FUT8: variants seen among roughly 807,000 people sequenced by gnomAD.
FUT8 encodes fucosyltransferase 8.
Under a neutral mutation model 71.3 loss-of-function variants are expected in FUT8, and 29 were observed. The ratio of observed to expected loss-of-function variants is 0.41; its 90% CI spans 0.30 to 0.55. The LOEUF is 0.55. Among genes scored for constraint, FUT8 ranks in the 20% least tolerant of loss-of-function variants. FUT8 has a pLI of 0.34. For missense variants in FUT8, 544 were observed against 702.1 expected (o/e 0.77, Z 2.55); for synonymous variants, 254 against 239.3 (o/e 1.06, Z -0.57).
the FUT8 span, among the ~76,000 whole-genome samples, chr14:65,401,409 C>T: frequency 6.6e-6 from 1 of 152,200 alleles, no homozygotes; most frequent in East Asian, 1.9e-4. Context: ...ACCAAAGTAA[C>T]ACCTGATTCA....
At chr14:65,584,864 G>A (rs1042101374) in intron 3 of FUT8, among the ~76,000 whole-genome samples, 1 of 152,112 alleles carries the variant, frequency 6.6e-6, no homozygotes, top group Non-Finnish European at 1.5e-5. Flanking sequence ...ATCCATTCAC[G>A]TAGTCCTTCA....
chr14:65,442,179 CTT>C (rs1021625986), intron 1 of FUT8, among the ~76,000 whole-genome samples: 8 of 140,588 alleles, frequency 5.7e-5, no homozygotes, highest in Admixed American at 2.1e-4. Flanking sequence ...TAAGGGTGGA[CTT>C]TTTTTTTTTT....
At chr14:65,722,105 T>C in intron 8 of FUT8, 84 bp downstream of exon 8, 1 of 1,502,612 alleles carries the variant, frequency 6.7e-7, no homozygotes, top group South Asian at 1.3e-5. Context: ...AATTTTACAA[T>C]ATGTAGTTCA....
intron 3 of FUT8, among the ~76,000 whole-genome samples, chr14:65,611,207 G>A (rs1292409502): frequency 0.097 from 277 of 2,864 alleles, 39 homozygotes; most frequent in African/African-American, 0.16. Context: ...ACGCGCGCGC[G>A]CGCGCGCGCG....
At chr14:65,642,605 A>AC (rs1217111842) in intron 6 of FUT8, among the ~76,000 whole-genome samples, 1 of 132,986 alleles carries the variant, frequency 7.5e-6, no homozygotes, top group Non-Finnish European at 1.5e-5. Context: ...TCCGTCTCAA[A>AC]AAAAAAAAAA....
At chr14:65,698,202 G>T (rs1482967011) in intron 7 of FUT8, among the ~76,000 whole-genome samples, 1 of 152,054 alleles carries the variant, frequency 6.6e-6, no homozygotes, top group Non-Finnish European at 1.5e-5. Flanking sequence ...ATCTGGCTCT[G>T]TACTTCATAT....
At chr14:65,611,552 G>A (rs753930908) in intron 3 of FUT8, among the ~76,000 whole-genome samples, 6 of 151,476 alleles carry the variant, frequency 4.0e-5, no homozygotes, top group South Asian at 4.2e-4. Flanking sequence ...TAGGGTAGAC[G>A]CTACAATATA....
At chr14:65,625,145 A>ACTCCTATTT (rs1889830781) in intron 5 of FUT8, among the ~76,000 whole-genome samples, 1 of 152,128 alleles carries the variant, frequency 6.6e-6, no homozygotes, top group Non-Finnish European at 1.5e-5. Flanking sequence ...CCTATTTGAT[A>ACTCCTATTT]GGTAGGAAAA....
At chr14:65,566,614 A>G (rs1213464743) in intron 3 of FUT8, among the ~76,000 whole-genome samples, 1 of 151,944 alleles carries the variant, frequency 6.6e-6, no homozygotes. Flanking sequence ...TGGAGTTAAG[A>G]TATTTCTTGG....
intron 1 of FUT8, among the ~76,000 whole-genome samples, chr14:65,438,455 A>G (rs919372897): frequency 5.9e-5 from 9 of 152,132 alleles, no homozygotes; most frequent in African/African-American, 1.9e-4. Context: ...CCAGAAGTCT[A>G]TTTAAAGGAA....
chr14:65,685,517 G>A (rs552972829), intron 7 of FUT8, among the ~76,000 whole-genome samples: 3 of 152,304 alleles, frequency 2.0e-5, no homozygotes, highest in South Asian at 2.1e-4. Context: ...GATCTCACAC[G>A]AGAATTTGGG....
intron 1 of FUT8, among the ~76,000 whole-genome samples, chr14:65,444,245 A>T (rs533391278): frequency 3.9e-5 from 6 of 152,342 alleles, no homozygotes; most frequent in African/African-American, 1.4e-4. Flanking sequence ...AAATCACGAG[A>T]TACCATTACT....
intron 2 of FUT8, among the ~76,000 whole-genome samples, chr14:65,554,071 A>G (rs765065441): frequency 2.0e-5 from 3 of 152,002 alleles, no homozygotes; most frequent in African/African-American, 7.2e-5. Flanking sequence ...CTACAGCTTT[A>G]AAATTCCTAT....
At chr14:65,697,403 A>G (rs1156357296) in intron 7 of FUT8, among the ~76,000 whole-genome samples, 1 of 152,268 alleles carries the variant, frequency 6.6e-6, no homozygotes, top group Non-Finnish European at 1.5e-5. Flanking sequence ...TTCCGTAGTA[A>G]TATCATTAGG....
intron 6 of FUT8, among the ~76,000 whole-genome samples, chr14:65,632,360 T>C (rs1890232565): frequency 6.6e-6 from 1 of 152,226 alleles, no homozygotes; most frequent in Non-Finnish European, 1.5e-5. Context: ...AAGTGTTCTC[T>C]GATCACCGCA....
Position 65,574,359 on chromosome 14 carries a change from C to T in FUT8, c.203+12593C>T, listed in dbSNP as rs1230335091. 2.6e-5 allele frequency among the ~76,000 whole-genome samples: 4 copies of T among 152,018 alleles called. No individual in the cohort carries two copies. The highest frequency in any genetic ancestry group is 7.2e-5 in the African/African-American group (3 of 41,382). On this transcript the variant is annotated intron_variant, in intron 3 of 10. Coordinates refer to ENST00000673929, the MANE Select transcript of FUT8 (RefSeq NM_001371533.1). The surrounding 1 kb of genome is among the most constrained non-coding windows in gnomAD (Gnocchi z 5.2). ...CAGGTCCCATTTACACTTGGGGAGG[C>T]GATTTTCCAAGGTCTTGACCACCAG...
intron 2 of FUT8, among the ~76,000 whole-genome samples, chr14:65,526,527 C>CT (rs2139887202): frequency 6.6e-6 from 1 of 152,236 alleles, no homozygotes; most frequent in East Asian, 1.9e-4. Context: ...ATTTACCAGT[C>CT]TGTGTCTTTT....
At chr14:65,692,012 G>C (rs1855759565) in intron 7 of FUT8, among the ~76,000 whole-genome samples, 1 of 151,984 alleles carries the variant, frequency 6.6e-6, no homozygotes, top group African/African-American at 2.4e-5. Flanking sequence ...TTTCTACACA[G>C]ACACGGCAAC....
chr14:65,621,470 G>C (rs530284049), intron 5 of FUT8, among the ~76,000 whole-genome samples: 6 of 152,026 alleles, frequency 3.9e-5, no homozygotes, highest in African/African-American at 1.4e-4. Flanking sequence ...GAATAGTTTC[G>C]ATCTCTTGAC....
Sources: allele counts gnomAD v4.1 joint callset (sites outside exome capture counted in the v4.1 genomes callset), GRCh38; gene constraint gnomAD v4.1.1; non-coding constraint Gnocchi (gnomAD v3.1); transcripts MANE v1.5; gene names NCBI Gene and HGNC (gene_info 2026-07-23, HGNC 2026-07-21).